Variants in NPSR1 observed in about 807,000 individuals in gnomAD.
NPSR1 encodes the protein neuropeptide S receptor 1, also known as neuropeptide S receptor.
Under a neutral mutation model 46.9 loss-of-function variants are expected in NPSR1, and 48 were observed. The observed-to-expected ratio is 1.02, with a 90% CI of 0.81 to 1.30. The LOEUF is 1.30. NPSR1 is among the 50% of genes most tolerant of loss of function. The probability of loss-of-function intolerance (pLI) is 0.00; values close to 1 mark genes in which losing one functional copy is unlikely to be tolerated. For missense variants in NPSR1, 450 were observed against 449.5 expected, an observed-to-expected ratio of 1.00 and a Z score of -0.01; for synonymous variants, 176 against 168.1, an observed-to-expected ratio of 1.05 and a Z score of -0.36.
chr7:34,836,416 G>A (rs1323149699), intron 6 of NPSR1, among the ~76,000 whole-genome samples: 1 of 152,038 alleles, frequency 6.6e-6, no homozygotes, highest in East Asian at 1.9e-4. Flanking sequence ...GGAAACCTCA[G>A]GAATTTAGAA....
chr7:34,755,701 C>CT (rs1305009909), intron 2 of NPSR1, among the ~76,000 whole-genome samples: 1 of 151,904 alleles, frequency 6.6e-6, no homozygotes, highest in African/African-American at 2.4e-5. Context: ...GCAGGTATTA[C>CT]TTTTTTTAAA....
chr7:34,706,805 C>A (rs1286034386), intron 2 of NPSR1, among the ~76,000 whole-genome samples: 2 of 151,954 alleles, frequency 1.3e-5, no homozygotes, highest in Non-Finnish European at 2.9e-5. Context: ...TAACTCAATG[C>A]TAGGAAATCT....
chr7:34,721,384 T>A (rs1458844329), intron 2 of NPSR1, among the ~76,000 whole-genome samples: 1 of 152,126 alleles, frequency 6.6e-6, no homozygotes, highest in Non-Finnish European at 1.5e-5. Context: ...AAGAAACCCT[T>A]CCTGAGCTTA....
At chr7:34,845,880 T>C (rs999149145) in intron 7 of NPSR1, among the ~76,000 whole-genome samples, 1 of 152,224 alleles carries the variant, frequency 6.6e-6, no homozygotes, top group African/African-American at 2.4e-5. Context: ...CTTTTTTATT[T>C]AGCTTAAATA....
At chr7:34,809,809 G>T (rs1457830211) in intron 3 of NPSR1, among the ~76,000 whole-genome samples, 3 of 152,040 alleles carry the variant, frequency 2.0e-5, no homozygotes, top group Non-Finnish European at 4.4e-5. Context: ...ATAGGCCCCA[G>T]TGTGTTTTGT....
chr7:34,714,415 A>G (rs1409662222), intron 2 of NPSR1, among the ~76,000 whole-genome samples: 1 of 152,212 alleles, frequency 6.6e-6, no homozygotes, highest in Non-Finnish European at 1.5e-5. Flanking sequence ...GGAATTGTGC[A>G]ATGGGCCAGT....
At chr7:34,860,464 C>G (rs1562776594) in intron 8 of NPSR1, among the ~76,000 whole-genome samples, 1 of 151,714 alleles carries the variant, frequency 6.6e-6, no homozygotes, top group South Asian at 2.1e-4. Flanking sequence ...ACATAAATAT[C>G]TTTTGTATGA....
intron 2 of NPSR1, among the ~76,000 whole-genome samples, chr7:34,697,152 TTCTC>T (rs1360469802): frequency 6.6e-6 from 1 of 151,934 alleles, no homozygotes; most frequent in Non-Finnish European, 1.5e-5. Context: ...TTTTATACTA[TTCTC>T]TCTACTTTTA....
intron 2 of NPSR1, among the ~76,000 whole-genome samples, chr7:34,778,203 G>C (rs150233348): frequency 1.3e-5 from 2 of 152,106 alleles, no homozygotes. Context: ...TCAACTCTAT[G>C]ATTAGCATGA....
intron 2 of NPSR1, among the ~76,000 whole-genome samples, chr7:34,706,174 ATT>A (rs879792853): frequency 2.9e-5 from 4 of 138,566 alleles, no homozygotes; most frequent in Admixed American, 7.1e-5. Flanking sequence ...TTTGTTTCTG[ATT>A]TTTTTTTTTT....
At chr7:34,829,286 G>T (rs527732343) in intron 5 of NPSR1, among the ~76,000 whole-genome samples, 2 of 152,294 alleles carry the variant, frequency 1.3e-5, no homozygotes, top group South Asian at 4.1e-4. Context: ...CCAAAATGGG[G>T]TGTTGTCCAG....
chr7:34,751,898 C>T lies in NPSR1; in HGVS notation c.281-26564C>T, dbSNP rs536817058. 3.3e-5 allele frequency: 49 copies of T among 1,501,554 alleles called. No individual in the cohort carries two copies. The African/African-American group carries it at 5.8e-4, about 18-fold the overall frequency. 93.0% of individuals were successfully genotyped at this position (1,501,554 alleles called of 1,614,324 possible). On this transcript the variant is annotated intron_variant, in intron 2 of 8. Transcript: ENST00000360581. ...TCTGGTGGACAAAGCCTTTCGGGAC[C>T]GTCTCCCGCAGTCACTCAAACAACT...
intron 1 of NPSR1, among the ~76,000 whole-genome samples, chr7:34,669,333 C>A (rs552586587): frequency 1.3e-5 from 2 of 152,218 alleles, no homozygotes; most frequent in African/African-American, 4.8e-5. Flanking sequence ...GAGATCAAAG[C>A]GGGTGGATCA....
chr7:34,780,957 A>C (rs1190667620), intron 3 of NPSR1, among the ~76,000 whole-genome samples: 1 of 152,208 alleles, frequency 6.6e-6, no homozygotes, highest in East Asian at 1.9e-4. Flanking sequence ...CAGGGAAAAC[A>C]ACAGACTAAC....
intron 8 of NPSR1, 92 bp from the exon 9 acceptor site, chr7:34,849,473 C>A: frequency 6.2e-7 from 1 of 1,602,358 alleles, no homozygotes; most frequent in South Asian, 1.1e-5. Context: ...ACATTTAATA[C>A]ATTTTTCATA....
chr7:34,778,604 AC>A, intron 3 of NPSR1, 39 bp downstream of exon 3: 1 of 1,258,536 alleles, frequency 7.9e-7, no homozygotes, highest in Non-Finnish European at 1.2e-6. Context: ...ACAAACTGAT[AC>A]CAGAGTTAGC....
chr7:34,831,759 C>T (rs1020180969), intron 5 of NPSR1, among the ~76,000 whole-genome samples: 1 of 151,970 alleles, frequency 6.6e-6, no homozygotes, highest in African/African-American at 2.4e-5. Flanking sequence ...TGCTTATTTT[C>T]TTGCTACCTA....
chr7:34,827,595 A>G lies in NPSR1; in HGVS notation c.673A>G (p.Ile225Val), dbSNP rs1452290032. ...AFLVYFIPLT[I>V]ISIMYGIVIR... ...CCTGGTGTACTTCATCCCTCTGACA[A>G]TCATCAGGTAAGAAGCCGTCAGGAC... The change falls in exon 5 of 9, where the codon ATC (isoleucine) becomes GTC (valine). Residue 225 changes from isoleucine to valine, a missense_variant. Coordinates refer to ENST00000360581, the MANE Select transcript of NPSR1 (RefSeq NM_207172.2). The G allele has an allele frequency of 4.4e-6, 6 of 1,349,814 alleles. No individual in the cohort carries two copies. Among genetic ancestry groups the G allele is most frequent in the Non-Finnish European group, 6.0e-6 (6 of 999,906 alleles). 83.6% of individuals were successfully genotyped at this position (1,349,814 alleles called of 1,614,324 possible). A position where few individuals can be genotyped will look rare whatever the true frequency, so the allele number is the denominator to read the frequency against.
intron 3 of NPSR1, among the ~76,000 whole-genome samples, chr7:34,786,927 T>C (rs1787492118): frequency 6.6e-6 from 1 of 152,106 alleles, no homozygotes; most frequent in African/African-American, 2.4e-5. Context: ...ATTAGTCTAA[T>C]TGTTAAGGGC....
Sources: gnomAD v4.1 joint callset for allele counts (sites outside exome capture counted in the v4.1 genomes callset) on GRCh38, gnomAD v4.1.1 for gene constraint, MANE v1.5 for transcripts, NCBI Gene and HGNC (gene_info 2026-07-23, HGNC 2026-07-21) for gene names.